Variants in ELAVL2 observed in about 807,000 individuals in gnomAD.
The protein encoded by ELAVL2 is ELAV-like protein 2.
ELAVL2 carries 4 observed loss-of-function variants against 34.6 expected under a neutral mutation model. The ratio of observed to expected loss-of-function variants is 0.12; its 90% CI spans 0.06 to 0.26. The LOEUF (loss-of-function observed/expected upper bound fraction) is 0.26, where lower values mean the gene tolerates loss of function less well. ELAVL2 is among the 10% of genes least tolerant of loss of function. ELAVL2 has a pLI of 1.00. For synonymous variants in ELAVL2, 193 were observed against 154.8 expected (o/e 1.25, Z -1.83); for missense variants, 432 against 442.8 (o/e 0.98, Z 0.22).
At chr9:23,822,707 C>CATCG (rs2064989004) in intron 1 of ELAVL2, among the ~76,000 whole-genome samples, 1 of 152,362 alleles carries the variant, frequency 6.6e-6, no homozygotes, top group South Asian at 2.1e-4. Context: ...ATTGCAAAGG[C>CATCG]ATCGATTTTA....
At chr9:23,846,407 A>G in the ELAVL2 span, among the ~76,000 whole-genome samples, 3 of 152,114 alleles carry the variant, frequency 2.0e-5, no homozygotes, top group South Asian at 6.2e-4. Context: ...ATAACATTTT[A>G]TGACATTACC....
upstream of ELAVL2, among the ~76,000 whole-genome samples, chr9:23,827,690 A>G (rs2065367846): frequency 1.3e-5 from 2 of 152,166 alleles, no homozygotes; most frequent in Non-Finnish European, 2.9e-5. Flanking sequence ...TAGAGATTGC[A>G]AAAGGGTAGG....
At chr9:23,767,482 C>A (rs1209788650) in intron 1 of ELAVL2, among the ~76,000 whole-genome samples, 1 of 152,118 alleles carries the variant, frequency 6.6e-6, no homozygotes, top group Non-Finnish European at 1.5e-5. Flanking sequence ...GGTAGTTAAT[C>A]AAAAGCATCT....
At chr9:23,760,058 C>T (rs1264290788) in intron 2 of ELAVL2, among the ~76,000 whole-genome samples, 2 of 151,414 alleles carry the variant, frequency 1.3e-5, no homozygotes, top group East Asian at 1.9e-4. Context: ...CTATTACCAC[C>T]GTCTACCACA....
rs563169929 is a variant in ELAVL2 at position 23,769,038 on chromosome 9, C to A, written c.-15-6789G>T. On this transcript the variant is annotated intron_variant, in intron 1 of 6. Coordinates refer to ENST00000397312, the MANE Select transcript of ELAVL2 (RefSeq NM_004432.5). ...ACTTGGTCTCTACACTTATTTGCAA[C>A]TAGAAGCTTTGAATACCCTGAGTAT... 2.6e-5 allele frequency among the ~76,000 whole-genome samples: 4 copies of A among 152,258 alleles called. No individual in the cohort carries two copies. In the South Asian group the frequency reaches 8.3e-4, roughly 32 times the overall value.
chr9:23,805,540 A>T (rs1173751825), intron 1 of ELAVL2, among the ~76,000 whole-genome samples: 1 of 152,222 alleles, frequency 6.6e-6, no homozygotes, highest in East Asian at 1.9e-4. Context: ...TACAACATAC[A>T]AAACAGATGG....
rs553559351 is a variant in ELAVL2, at chr9:23,765,737, C to G, written c.-15-3488G>C. Among the ~76,000 whole-genome samples the G allele has an allele frequency of 3.9e-5, 6 of 152,256 alleles. No homozygotes were observed. The East Asian group carries it at 7.7e-4, about 20-fold the overall frequency. On this transcript the variant is annotated intron_variant, in intron 1 of 6. Transcript: ENST00000397312. ...ATACTAAGAGGCAGTAAACCAGCAT[C>G]TTTCAATTGAAATAATTGGACCGAT...
chr9:23,833,972 C>T, the ELAVL2 span, among the ~76,000 whole-genome samples: 1 of 151,950 alleles, frequency 6.6e-6, no homozygotes. Context: ...ATGAGCAATA[C>T]ATAATCACTT....
At position 23,774,035 on chromosome 9, in the gene ELAVL2, C is replaced by T. The variant is rs560263414; in HGVS notation, c.-15-11786G>A. Among the ~76,000 whole-genome samples, 132 of 151,750 alleles carry T rather than the reference C, an allele frequency of 8.7e-4. No homozygotes were observed. In the Middle Eastern group the frequency reaches 0.01, roughly 12 times the overall value. On this transcript the variant is annotated intron_variant, in intron 1 of 6. Coordinates refer to ENST00000397312, the MANE Select transcript of ELAVL2 (RefSeq NM_004432.5). ...GACCACCCTGGCTAACACGGTGAAA[C>T]CCCATCTCTATTAAAAATACAAAAA...
chr9:23,803,308 G>T (rs574515617), intron 1 of ELAVL2, among the ~76,000 whole-genome samples: 82 of 152,308 alleles, frequency 5.4e-4, no homozygotes, highest in Non-Finnish European at 9.1e-4. Flanking sequence ...TCTCAGAAAA[G>T]ATGCTTTATA....
intron 3 of ELAVL2, among the ~76,000 whole-genome samples, chr9:23,729,389 A>G (rs1273009551): frequency 6.6e-6 from 1 of 152,172 alleles, no homozygotes; most frequent in Non-Finnish European, 1.5e-5. Flanking sequence ...TAGGATAAAG[A>G]GCACACGGTC....
chr9:23,712,235 C>T (rs1485683401), intron 3 of ELAVL2, among the ~76,000 whole-genome samples: 8 of 152,080 alleles, frequency 5.3e-5, no homozygotes, highest in East Asian at 1.9e-4. Context: ...GTGTAGGACT[C>T]GCGGTCTTAG....
chr9:23,849,863 C>A, the ELAVL2 span: 1 of 152,080 alleles, frequency 6.6e-6, no homozygotes, highest in Non-Finnish European at 1.5e-5. Context: ...ACAGACCGAG[C>A]AGACGAGAAG....
chr9:23,818,323 G>C (rs1180153609), intron 1 of ELAVL2, among the ~76,000 whole-genome samples: 1 of 152,128 alleles, frequency 6.6e-6, no homozygotes, highest in African/African-American at 2.4e-5. Context: ...GAAAAGCTAC[G>C]TAATCTGTGG....
At chr9:23,836,345 C>T in the ELAVL2 span, among the ~76,000 whole-genome samples, 2 of 152,138 alleles carry the variant, frequency 1.3e-5, no homozygotes, top group Non-Finnish European at 2.9e-5. Flanking sequence ...TATTTTCACA[C>T]AATTTACTGT....
intron 2 of ELAVL2, among the ~76,000 whole-genome samples, chr9:23,733,515 G>A (rs1005000394): frequency 6.6e-6 from 1 of 152,174 alleles, no homozygotes; most frequent in Non-Finnish European, 1.5e-5. Context: ...GAAAGGTCTT[G>A]CAGGGATGAC....
chr9:23,849,598 G>T, the ELAVL2 span: 1 of 152,208 alleles, frequency 6.6e-6, no homozygotes, highest in Non-Finnish European at 1.5e-5. Flanking sequence ...AGACAATAAC[G>T]TAGTTCCCTT....
intron 3 of ELAVL2, among the ~76,000 whole-genome samples, chr9:23,706,007 T>C (rs2039220745): frequency 6.6e-6 from 1 of 152,242 alleles, no homozygotes; most frequent in Non-Finnish European, 1.5e-5. Context: ...AAGTATGCTC[T>C]TTTGATATAT....
chr9:23,759,237 A>G (rs541036422), intron 2 of ELAVL2, among the ~76,000 whole-genome samples: 2 of 152,200 alleles, frequency 1.3e-5, no homozygotes, highest in Admixed American at 1.3e-4. Flanking sequence ...CCATTCAGCC[A>G]CAAAAAAGAA....
Sources: allele counts gnomAD v4.1 joint callset (sites outside exome capture counted in the v4.1 genomes callset), GRCh38; gene constraint gnomAD v4.1.1; transcripts MANE v1.5; gene names NCBI Gene and HGNC (gene_info 2026-07-23, HGNC 2026-07-21).